The following ERBB4 variants were observed in gnomAD, a reference collection of about 807,000 sequenced individuals.
ERBB4 encodes receptor tyrosine-protein kinase erbB-4.
ERBB4 carries 42 observed loss-of-function variants against 158.0 expected under a neutral mutation model. The observed-to-expected ratio is 0.27, with a 90% CI of 0.21 to 0.34. ERBB4 has a LOEUF of 0.34. Among genes scored for constraint, ERBB4 ranks in the 10% least tolerant of loss-of-function variants. The pLI is 1.00. For synonymous variants in ERBB4, 583 were observed against 558.7 expected, an observed-to-expected ratio of 1.04 and a Z score of -0.61; for missense variants, 1,333 against 1,624.1, an observed-to-expected ratio of 0.82 and a Z score of 3.08.
intron 1 of ERBB4, among the ~76,000 whole-genome samples, chr2:212,374,542 T>C (rs2106395624): frequency 6.6e-6 from 1 of 152,104 alleles, no homozygotes; most frequent in Admixed American, 6.6e-5. Flanking sequence ...GTCATCATTT[T>C]CCACATATCA....
At chr2:212,174,139 G>A (rs1434595524) in intron 1 of ERBB4, among the ~76,000 whole-genome samples, 1 of 152,048 alleles carries the variant, frequency 6.6e-6, no homozygotes, top group Non-Finnish European at 1.5e-5. Context: ...GAACAGTCAT[G>A]AAAAATTTTT....
At chr2:212,472,420 G>A (rs1689160830) in intron 1 of ERBB4, among the ~76,000 whole-genome samples, 1 of 151,648 alleles carries the variant, frequency 6.6e-6, no homozygotes, top group Non-Finnish European at 1.5e-5. Flanking sequence ...GATGTACGTG[G>A]CTCTTAAGCC....
rs765902597 is a variant in ERBB4 at position 211,944,193 on chromosome 2, A to AG, written c.421+3236_421+3237insC. Among the ~76,000 whole-genome samples, 448 of 64,544 alleles carry AG rather than the reference A, an allele frequency of 6.9e-3. 10 individuals carry two copies. Among genetic ancestry groups the AG allele is most frequent in the South Asian group, 0.03 (88 of 2,900 alleles). The allele number at this position is 64,544 out of a possible 152,430, so 42.3% of individuals were successfully genotyped here. ...ATATATATACTATATATATATATATATATATACTATATATATATATACACA... is the reference window on the plus strand; with the variant it reads ...ATATATATACTATATATATATATATAGTATATACTATATATATATATACACA... On this transcript the variant is annotated intron_variant, in intron 3 of 27. Coordinates refer to ENST00000342788, the MANE Select transcript of ERBB4 (RefSeq NM_005235.3).
chr2:211,511,437 G>A (rs1310696450), intron 20 of ERBB4, among the ~76,000 whole-genome samples: 2 of 151,916 alleles, frequency 1.3e-5, no homozygotes, highest in East Asian at 3.9e-4. Context: ...ATTCTAAGAA[G>A]TAACACAAAA....
chr2:212,476,815 T>C lies in ERBB4; in HGVS notation c.82+61634A>G, dbSNP rs552598958. ...GCTTCAAACATTATTTTTAAGTATA[T>C]ACCCTCAAGACAGCCACTTGAGCAT... On this transcript the variant is annotated intron_variant, in intron 1 of 27. Transcript: ENST00000342788. 2.0e-5 allele frequency among the ~76,000 whole-genome samples: 3 copies of C among 152,250 alleles called. No individual in the cohort carries two copies. In the East Asian group the frequency reaches 5.8e-4, roughly 29 times the overall value.
At chr2:212,460,700 G>A (rs1688527630) in intron 1 of ERBB4, among the ~76,000 whole-genome samples, 2 of 152,182 alleles carry the variant, frequency 1.3e-5, no homozygotes, top group African/African-American at 2.4e-5. Context: ...AAATAGAGAA[G>A]AGCATACAAT....
intron 4 of ERBB4, among the ~76,000 whole-genome samples, chr2:211,759,736 T>C (rs926806231): frequency 1.2e-4 from 18 of 152,196 alleles, no homozygotes; most frequent in Middle Eastern, 3.2e-3. Context: ...GGAAATGCTG[T>C]ATAATGCATA....
In ERBB4 at chr2:211,793,060, T is replaced by C. The variant is rs1245716460; in HGVS notation, c.422-4901A>G. Among the ~76,000 whole-genome samples, 6 of 151,858 alleles carry C rather than the reference T, an allele frequency of 4.0e-5. No individual in the cohort carries two copies. The East Asian group carries it at 1.2e-3, about 29-fold the overall frequency. ...CATCCCTGCTGAAAATACAGATTAA[T>C]ATGACCCCTTTACTAGGTTTAAGAA... On this transcript the variant is annotated intron_variant, in intron 3 of 27. Transcript: ENST00000342788.
At chr2:212,130,057 A>C (rs2125583119) in intron 1 of ERBB4, among the ~76,000 whole-genome samples, 1 of 152,264 alleles carries the variant, frequency 6.6e-6, no homozygotes, top group East Asian at 1.9e-4. Flanking sequence ...CAAGCAATGT[A>C]TACAAGACAA....
At chr2:211,653,278 A>G (rs1198954068) in intron 16 of ERBB4, among the ~76,000 whole-genome samples, 1 of 152,194 alleles carries the variant, frequency 6.6e-6, no homozygotes, top group Non-Finnish European at 1.5e-5. Context: ...TAAAGGTAAA[A>G]AAAGAAATTC....
At chr2:212,036,405 C>T (rs1250402141) in intron 2 of ERBB4, among the ~76,000 whole-genome samples, 1 of 151,556 alleles carries the variant, frequency 6.6e-6, no homozygotes, top group African/African-American at 2.4e-5. Flanking sequence ...GCATTGGTGA[C>T]GCTTATACAT....
At position 211,537,911 on chromosome 2, in the gene ERBB4, C is replaced by T. The variant is rs143028453; in HGVS notation, c.2487+23992G>A. ...AATCATTTTCAAAAACCCTTTAAGA[C>T]ATTTTTTAAATGTGAAATTTTATAT... On this transcript the variant is annotated intron_variant, in intron 20 of 27. Transcript: ENST00000342788. 6.2e-3 allele frequency among the ~76,000 whole-genome samples: 949 copies of T among 151,940 alleles called. 9 individuals carry two copies. Among genetic ancestry groups the T allele is most frequent in the Non-Finnish European group, 0.011 (721 of 67,864 alleles).
At chr2:211,720,845 CA>C (rs2074068069) in intron 7 of ERBB4, among the ~76,000 whole-genome samples, 1 of 152,182 alleles carries the variant, frequency 6.6e-6, no homozygotes. Context: ...CCCATTTCTC[CA>C]AAAGCTTGAC....
chr2:212,192,347 G>A (rs548393700), intron 1 of ERBB4, among the ~76,000 whole-genome samples: 12 of 151,132 alleles, frequency 7.9e-5, no homozygotes, highest in Non-Finnish European at 1.5e-4. Context: ...ATATTGATTC[G>A]GGCATTGGAA....
intron 2 of ERBB4, among the ~76,000 whole-genome samples, chr2:212,107,262 C>T (rs1559509554): frequency 6.6e-6 from 1 of 152,180 alleles, no homozygotes; most frequent in African/African-American, 2.4e-5. Context: ...GATGGGAGCC[C>T]ACCTCTTGCA....
chr2:211,770,028 T>C (rs1209605317), intron 4 of ERBB4, among the ~76,000 whole-genome samples: 1 of 152,212 alleles, frequency 6.6e-6, no homozygotes. Flanking sequence ...ATGAGTGTTT[T>C]ACTTGGAGAA....
rs1055686261 is a variant in ERBB4 at position 211,889,071 on chromosome 2, TC to T, written c.421+58358del. On this transcript the variant is annotated intron_variant, in intron 3 of 27. Transcript: ENST00000342788. ...CACAGCTCAAGAAGGCCTGCCTGCC[TC>T]TGTAGGCTCCACCTCTGGGGGCAGG... is the stretch of plus-strand genomic sequence containing the variant. 4.2e-5 allele frequency among the ~76,000 whole-genome samples: 6 copies of T among 141,390 alleles called. 1 individual carries two copies. The highest frequency in any genetic ancestry group is 6.1e-5 in the Non-Finnish European group (4 of 65,864). 92.8% of individuals were successfully genotyped at this position (141,390 alleles called of 152,430 possible). A position where few individuals can be genotyped will look rare whatever the true frequency, so the allele number is the denominator to read the frequency against.
At chr2:211,755,492 C>A (rs978943093) in intron 4 of ERBB4, among the ~76,000 whole-genome samples, 1 of 152,020 alleles carries the variant, frequency 6.6e-6, no homozygotes, top group African/African-American at 2.4e-5. Context: ...ACGGATCAGA[C>A]CCTGTCTCAA....
At chr2:212,007,949 T>C (rs752722095) in intron 2 of ERBB4, among the ~76,000 whole-genome samples, 2 of 152,024 alleles carry the variant, frequency 1.3e-5, no homozygotes, top group Non-Finnish European at 2.9e-5. Flanking sequence ...ACCAGCACTA[T>C]TGGCAAAGGG....
Sources: allele counts gnomAD v4.1 joint callset (sites outside exome capture counted in the v4.1 genomes callset), GRCh38; gene constraint gnomAD v4.1.1; transcripts MANE v1.5; gene names NCBI Gene and HGNC (gene_info 2026-07-23, HGNC 2026-07-21).